Variants in ZFPM2 observed in about 807,000 individuals in gnomAD.
ZFPM2 encodes zinc finger protein ZFPM2.
In ZFPM2, 20 loss-of-function variants were observed where a neutral mutation model predicts 98.6. The observed-to-expected ratio is 0.20, with a 90% CI of 0.14 to 0.29. The LOEUF (loss-of-function observed/expected upper bound fraction) is 0.29, where lower values mean the gene tolerates loss of function less well. Ranked by LOEUF, ZFPM2 falls within the 10% of genes least tolerant of loss-of-function variation. The pLI, the probability that ZFPM2 is intolerant of heterozygous loss-of-function variation, is 1.00. For synonymous variants in ZFPM2, 518 were observed against 502.7 expected, an observed-to-expected ratio of 1.03 and a Z score of -0.41; for missense variants, 1,310 against 1,388.6, an observed-to-expected ratio of 0.94 and a Z score of 0.90.
At chr8:105,495,764 A>G (rs1385216970) in intron 3 of ZFPM2, among the ~76,000 whole-genome samples, 2 of 152,152 alleles carry the variant, frequency 1.3e-5, no homozygotes, top group Admixed American at 1.3e-4. Context: ...ACTGTTTGCC[A>G]TGCTTGGAGT....
intron 1 of ZFPM2, among the ~76,000 whole-genome samples, chr8:105,324,317 A>G (rs1051908456): frequency 3.3e-5 from 5 of 151,792 alleles, no homozygotes; most frequent in Non-Finnish European, 5.9e-5. Context: ...ATGTATCCAT[A>G]TTATTATAGT....
chr8:105,798,669 A>G (rs1469744829), intron 6 of ZFPM2, 55 bp from the exon 7 acceptor site: 27 of 1,494,114 alleles, frequency 1.8e-5, no homozygotes, highest in Non-Finnish European at 2.5e-5. Context: ...TGCTTTACCC[A>G]CAGTTGGTTT....
At chr8:105,699,321 G>T (rs1811089449) in intron 5 of ZFPM2, among the ~76,000 whole-genome samples, 1 of 152,076 alleles carries the variant, frequency 6.6e-6, no homozygotes, top group South Asian at 2.1e-4. Flanking sequence ...TTAATGGCTA[G>T]ATTTTAAATT....
At chr8:105,535,506 A>G (rs1229185902) in intron 3 of ZFPM2, among the ~76,000 whole-genome samples, 5 of 152,126 alleles carry the variant, frequency 3.3e-5, no homozygotes, top group Non-Finnish European at 7.4e-5. Flanking sequence ...TAAATTGAGT[A>G]TTTTGTTTGC....
chr8:105,603,597 T>C (rs1450397068), intron 4 of ZFPM2, among the ~76,000 whole-genome samples: 1 of 152,142 alleles, frequency 6.6e-6, no homozygotes, highest in African/African-American at 2.4e-5. Context: ...TATCTATGTT[T>C]AGAGAATATT....
chr8:105,665,328 G>A (rs55996898), intron 5 of ZFPM2, among the ~76,000 whole-genome samples: 167 of 152,190 alleles, frequency 1.1e-3, no homozygotes, highest in Non-Finnish European at 2.2e-3. Context: ...ACTTTTGGGG[G>A]ACATACTCAA....
chr8:105,421,588 G>T (rs1209881255), intron 2 of ZFPM2, among the ~76,000 whole-genome samples: 3 of 152,174 alleles, frequency 2.0e-5, no homozygotes, highest in African/African-American at 7.2e-5. Context: ...TTGAGGTCAT[G>T]CAAGGAGTGC....
chr8:105,418,235 C>G (rs1811719214), intron 1 of ZFPM2, among the ~76,000 whole-genome samples: 1 of 152,082 alleles, frequency 6.6e-6, no homozygotes, highest in African/African-American at 2.4e-5. Flanking sequence ...GTACAAATTA[C>G]CATAATTGTG....
At chr8:105,629,237 G>C (rs188935821) in intron 4 of ZFPM2, among the ~76,000 whole-genome samples, 5 of 152,266 alleles carry the variant, frequency 3.3e-5, no homozygotes, top group Non-Finnish European at 7.4e-5. Context: ...GCTCCCTCCC[G>C]CGAGGAGATG....
chr8:105,585,889 T>C (rs1160611489), intron 4 of ZFPM2, among the ~76,000 whole-genome samples: 1 of 151,414 alleles, frequency 6.6e-6, no homozygotes, highest in Non-Finnish European at 1.5e-5. Context: ...TATTTTAGGA[T>C]GAAAAAATAG....
intron 4 of ZFPM2, among the ~76,000 whole-genome samples, chr8:105,596,003 G>GAAA (rs34732263): frequency 7.6e-6 from 1 of 131,946 alleles, no homozygotes; most frequent in African/African-American, 2.9e-5. Context: ...CCTTTTATCT[G>GAAA]AAAAAAAAAA....
intron 3 of ZFPM2, among the ~76,000 whole-genome samples, chr8:105,534,085 TCCTC>T (rs1406671871): frequency 5.3e-5 from 2 of 37,720 alleles, no homozygotes; most frequent in African/African-American, 1.2e-4. Context: ...CCTCCCATCT[TCCTC>T]CCTCCCTCCC....
chr8:105,771,565 G>T (rs1294716264), intron 5 of ZFPM2, among the ~76,000 whole-genome samples: 2 of 152,166 alleles, frequency 1.3e-5, no homozygotes, highest in Admixed American at 1.3e-4. Flanking sequence ...GCACAATGAT[G>T]TGCAACAGAA....
At chr8:105,612,858 T>C (rs1429551703) in intron 4 of ZFPM2, among the ~76,000 whole-genome samples, 1 of 152,192 alleles carries the variant, frequency 6.6e-6, no homozygotes, top group African/African-American at 2.4e-5. Flanking sequence ...ATAAAGAAGA[T>C]AATTTTGGTT....
In ZFPM2 at chr8:105,318,859, C is replaced by CGGT; in HGVS notation, c.-81_-80insTGG. The CGGT allele has an allele frequency of 7.0e-6, 6 of 862,632 alleles. No homozygotes were observed. Among genetic ancestry groups the CGGT allele is most frequent in the Non-Finnish European group, 8.1e-6 (6 of 742,928 alleles). 53.4% of individuals were successfully genotyped at this position (862,632 alleles called of 1,614,324 possible). ...CGAGCCTGGCCAGCGGCGGCGGCGG[C>CGGT]GGCGGCGGCGGCGGGAGCCGAGGGA... is the stretch of plus-strand genomic sequence containing the variant. On this transcript the variant is annotated 5_prime_UTR_variant, in exon 1 of 8. Coordinates refer to ENST00000407775, the MANE Select transcript of ZFPM2 (RefSeq NM_012082.4).
chr8:105,662,115 A>G (rs1817401180), intron 5 of ZFPM2, among the ~76,000 whole-genome samples: 1 of 152,172 alleles, frequency 6.6e-6, no homozygotes, highest in South Asian at 2.1e-4. Context: ...AATGAGAAAC[A>G]ACACGCGTGA....
In ZFPM2 at chr8:105,802,807, T is replaced by C; in HGVS notation, c.2725T>C (p.Tyr909His). 1 of 1,613,642 alleles carries C rather than the reference T, an allele frequency of 6.2e-7. No homozygotes were observed. Among genetic ancestry groups the C allele is most frequent in the Middle Eastern group, 1.6e-4 (1 of 6,062 alleles). Residue 909 changes from tyrosine (Y) to histidine (H), a missense_variant, in exon 8 of 8, where the codon TAC (tyrosine) becomes CAC (histidine). By Grantham distance (83) the Tyr-to-His change is moderately conservative (BLOSUM62 2). Transcript: ENST00000407775. ...CGAACGAAACAGCCCTGATGTCAGCTACGAAAGAAGCATAATAAAATGTGA... is the reference window on the plus strand; with the variant it reads ...CGAACGAAACAGCCCTGATGTCAGCCACGAAAGAAGCATAATAAAATGTGA... Reference protein sequence around the residue: ...ESERNSPDVSYERSIIKCEKN... With the variant: ...ESERNSPDVSHERSIIKCEKN...
intron 3 of ZFPM2, among the ~76,000 whole-genome samples, chr8:105,471,774 T>A: frequency 6.6e-6 from 1 of 152,214 alleles, no homozygotes; most frequent in East Asian, 1.9e-4. Context: ...TTGCTAAGAA[T>A]TTCAGTTCTT....
intron 5 of ZFPM2, among the ~76,000 whole-genome samples, chr8:105,667,570 C>T (rs1586184954): frequency 6.6e-6 from 1 of 152,098 alleles, no homozygotes; most frequent in African/African-American, 2.4e-5. Context: ...TCAAAGAATT[C>T]CCAAATTATC....
Sources: gnomAD v4.1 joint callset for allele counts (sites outside exome capture counted in the v4.1 genomes callset) on GRCh38, gnomAD v4.1.1 for gene constraint, MANE v1.5 for transcripts, NCBI Gene and HGNC (gene_info 2026-07-23, HGNC 2026-07-21) for gene names.